Variants in NMNAT2 observed in about 807,000 individuals in gnomAD.
NMNAT2 encodes nicotinamide/nicotinic acid mononucleotide adenylyltransferase 2.
NMNAT2 carries 11 observed loss-of-function variants against 41.6 expected under a neutral mutation model. That is an observed-to-expected ratio of 0.26 (90% CI 0.17 to 0.44). The LOEUF is 0.44. NMNAT2 is among the 20% of genes least tolerant of loss of function. NMNAT2 has a pLI of 1.00. For missense variants in NMNAT2, 288 were observed against 407.7 expected (o/e 0.71, Z 2.53); for synonymous variants, 148 against 151.2 (o/e 0.98, Z 0.16).
intron 10 of NMNAT2, 46 bp downstream of exon 10, chr1:183,260,956 A>T (rs376445427): frequency 6.9e-7 from 1 of 1,450,244 alleles, no homozygotes; most frequent in Non-Finnish European, 9.7e-7. Flanking sequence ...GTGGAGACTT[A>T]TAAGACAGTT....
At chr1:183,280,546 C>T (rs780398906) in intron 7 of NMNAT2, among the ~76,000 whole-genome samples, 1 of 151,848 alleles carries the variant, frequency 6.6e-6, no homozygotes, top group Non-Finnish European at 1.5e-5. Context: ...TGCCACCACA[C>T]CTGGCTAATT....
chr1:183,315,409 G>C (rs1662223079), intron 1 of NMNAT2, among the ~76,000 whole-genome samples: 1 of 152,146 alleles, frequency 6.6e-6, no homozygotes, highest in Non-Finnish European at 1.5e-5. Context: ...GCAATAACAA[G>C]TCTTGAATTC....
chr1:183,343,143 G>A (rs1415438404), intron 1 of NMNAT2, among the ~76,000 whole-genome samples: 1 of 152,056 alleles, frequency 6.6e-6, no homozygotes, highest in Non-Finnish European at 1.5e-5. Context: ...GGCCTTTGAG[G>A]CCAACCATCT....
chr1:183,308,735 A>T (rs1346896325), intron 1 of NMNAT2, among the ~76,000 whole-genome samples: 1 of 152,226 alleles, frequency 6.6e-6, no homozygotes, highest in Non-Finnish European at 1.5e-5. Flanking sequence ...GTAACTTCAG[A>T]TAGTGATAAT....
intron 1 of NMNAT2, among the ~76,000 whole-genome samples, chr1:183,417,871 A>C (rs1649299510): frequency 6.6e-6 from 1 of 150,798 alleles, no homozygotes; most frequent in Admixed American, 6.6e-5. Context: ...GAACCACCGC[A>C]CCGCCACACT....
chr1:183,294,983 C>T (rs1035024047), intron 1 of NMNAT2, among the ~76,000 whole-genome samples: 9 of 152,184 alleles, frequency 5.9e-5, no homozygotes, highest in Admixed American at 5.2e-4. Context: ...AAAAAGATCT[C>T]ACCATATTTG....
intron 1 of NMNAT2, among the ~76,000 whole-genome samples, chr1:183,328,509 T>C (rs1470355154): frequency 6.6e-6 from 1 of 152,176 alleles, no homozygotes; most frequent in Non-Finnish European, 1.5e-5. Context: ...CTGAGGGAGA[T>C]GGTGATCAGG....
At chr1:183,319,734 G>A (rs1056227035) in intron 1 of NMNAT2, among the ~76,000 whole-genome samples, 7 of 152,076 alleles carry the variant, frequency 4.6e-5, no homozygotes, top group South Asian at 2.1e-4. Context: ...CAGGGAAACC[G>A]GCAGGATATT....
At chr1:183,392,625 C>T (rs973415813) in intron 1 of NMNAT2, among the ~76,000 whole-genome samples, 11 of 152,176 alleles carry the variant, frequency 7.2e-5, no homozygotes, top group Non-Finnish European at 1.3e-4. Context: ...GTCTCTAATC[C>T]CATCTACCAC....
rs569015061 is a variant in NMNAT2, at chr1:183,251,315, C to G, written c.*1326G>C. 2 of 151,262 alleles carry G rather than the reference C, an allele frequency of 1.3e-5. No homozygotes were observed. Among genetic ancestry groups the G allele is most frequent in the South Asian group, 2.1e-4 (1 of 4,824 alleles). 9.4% of individuals were successfully genotyped at this position (151,262 alleles called of 1,614,324 possible). ...CACTGCTTCTCAAGAAGAAACTGAC[C>G]TCATGCACTGTCTGAGTTACCTCAG... is the stretch of plus-strand genomic sequence containing the variant. On this transcript the variant is annotated 3_prime_UTR_variant, in exon 11 of 11. Coordinates refer to ENST00000287713, the MANE Select transcript of NMNAT2 (RefSeq NM_015039.4).
intron 1 of NMNAT2, among the ~76,000 whole-genome samples, chr1:183,345,688 C>CTT (rs5779171): frequency 2.5e-5 from 3 of 121,984 alleles, no homozygotes; most frequent in Non-Finnish European, 5.4e-5. Flanking sequence ...ATATCCTTTT[C>CTT]TTTTTTTTTT....
At chr1:183,399,061 C>G (rs1274636145) in intron 1 of NMNAT2, among the ~76,000 whole-genome samples, 5 of 152,060 alleles carry the variant, frequency 3.3e-5, no homozygotes, top group Non-Finnish European at 4.4e-5. Context: ...TAACTAAGAT[C>G]AGAGCAGAAC....
chr1:183,273,244 G>T (rs1242238678), intron 8 of NMNAT2, among the ~76,000 whole-genome samples: 6 of 152,194 alleles, frequency 3.9e-5, no homozygotes, highest in African/African-American at 1.4e-4. Context: ...ATGGGATGCC[G>T]CCTGATTCGT....
Position 183,249,730 on chromosome 1 carries a change from T to C in NMNAT2, c.*2911A>G, listed in dbSNP as rs2102265933. Reference sequence around the variant, plus strand: ...GTGTGTGTGTGTGTGTGTGTGTGTGTGTTTGGGGGGTAGGGGGTGCGGCGA... The same window carrying C: ...GTGTGTGTGTGTGTGTGTGTGTGTGCGTTTGGGGGGTAGGGGGTGCGGCGA... On this transcript the variant is annotated 3_prime_UTR_variant, in exon 11 of 11. Transcript: ENST00000287713. The C allele has an allele frequency of 8.1e-6, 1 of 122,866 alleles. No individual in the cohort carries two copies. Among genetic ancestry groups the C allele is most frequent in the African/African-American group, 3.5e-5 (1 of 28,390 alleles). The allele number at this position is 122,866 out of a possible 1,614,324, so 7.6% of individuals were successfully genotyped here.
intron 1 of NMNAT2, among the ~76,000 whole-genome samples, chr1:183,408,189 C>T (rs1395048911): frequency 6.6e-6 from 1 of 152,024 alleles, no homozygotes; most frequent in African/African-American, 2.4e-5. Context: ...TAGGTTATTC[C>T]AGGGGTTGGC....
intron 1 of NMNAT2, among the ~76,000 whole-genome samples, chr1:183,361,804 A>G (rs1435964637): frequency 6.6e-6 from 1 of 152,186 alleles, no homozygotes; most frequent in African/African-American, 2.4e-5. Context: ...GCATTGTGTC[A>G]GTCATTTTAT....
At chr1:183,363,926 G>A (rs1180192059) in intron 1 of NMNAT2, among the ~76,000 whole-genome samples, 2 of 152,098 alleles carry the variant, frequency 1.3e-5, no homozygotes, top group African/African-American at 4.8e-5. Flanking sequence ...TTCCTGATGG[G>A]CAACCTAGTA....
rs1159772524 is a variant in NMNAT2, at chr1:183,285,676, G to C, written c.449-886C>G. ...AGAAAATTTTAGAGCATGGACCTGG[G>C]AGCCTGACAGTACTGAATATGAATT... On this transcript the variant is annotated intron_variant, in intron 5 of 10. Transcript: ENST00000287713. Among the ~76,000 whole-genome samples, 3 of 152,172 alleles carry C rather than the reference G, an allele frequency of 2.0e-5. No individual in the cohort carries two copies. The East Asian group carries it at 5.8e-4, about 29-fold the overall frequency.
At chr1:183,256,372 G>T (rs776311934) in intron 10 of NMNAT2, among the ~76,000 whole-genome samples, 3 of 152,106 alleles carry the variant, frequency 2.0e-5, no homozygotes, top group Non-Finnish European at 4.4e-5. Flanking sequence ...TTGTGCCACT[G>T]CACTCCAGCC....
Sources: allele counts gnomAD v4.1 joint callset (sites outside exome capture counted in the v4.1 genomes callset), GRCh38; gene constraint gnomAD v4.1.1; transcripts MANE v1.5; gene names NCBI Gene and HGNC (gene_info 2026-07-23, HGNC 2026-07-21).